Variants in DPYD observed in about 807,000 individuals in gnomAD.
DPYD encodes dihydropyrimidine dehydrogenase.
In DPYD, 109 loss-of-function variants were observed where a neutral mutation model predicts 116.2. The observed-to-expected ratio is 0.94, with a 90% confidence interval of 0.80 to 1.10. The LOEUF (loss-of-function observed/expected upper bound fraction) is 1.10. DPYD is among the 50% of genes least tolerant of loss of function. The pLI, the probability that DPYD is intolerant of heterozygous loss-of-function variation, is 0.00. For synonymous variants in DPYD, 440 were observed against 432.0 expected, an observed-to-expected ratio of 1.02 and a Z score of -0.23; for missense variants, 1,302 against 1,254.5, an observed-to-expected ratio of 1.04 and a Z score of -0.57.
intron 14 of DPYD, among the ~76,000 whole-genome samples, chr1:97,431,858 T>A (rs1675198437): frequency 6.6e-6 from 1 of 152,110 alleles, no homozygotes; most frequent in Non-Finnish European, 1.5e-5. Context: ...ACCCTTCCCC[T>A]TCCCCTCCCA....
chr1:97,642,527 C>T (rs201360296), intron 8 of DPYD, among the ~76,000 whole-genome samples: 1 of 151,936 alleles, frequency 6.6e-6, no homozygotes, highest in Non-Finnish European at 1.5e-5. Context: ...GTTGGGAAAA[C>T]TGGCTAGCCA....
intron 3 of DPYD, among the ~76,000 whole-genome samples, chr1:97,790,987 TATTA>T (rs906748253): frequency 3.3e-5 from 5 of 152,182 alleles, no homozygotes; most frequent in Admixed American, 3.3e-4. Flanking sequence ...ATAGCTTCTT[TATTA>T]ATTTTTACAT....
At chr1:97,344,044 T>C (rs1350954580) in intron 16 of DPYD, among the ~76,000 whole-genome samples, 5 of 151,910 alleles carry the variant, frequency 3.3e-5, no homozygotes, top group Non-Finnish European at 7.4e-5. Flanking sequence ...AATACATAAT[T>C]ATTCAATATT....
At chr1:97,363,442 C>G (rs1448653717) in intron 16 of DPYD, among the ~76,000 whole-genome samples, 2 of 152,068 alleles carry the variant, frequency 1.3e-5, no homozygotes, top group East Asian at 3.9e-4. Context: ...CCCAGTGATC[C>G]CATTACTGGG....
At chr1:97,640,841 G>A (rs879757889) in intron 8 of DPYD, among the ~76,000 whole-genome samples, 5 of 152,200 alleles carry the variant, frequency 3.3e-5, no homozygotes, top group Middle Eastern at 3.4e-3. Flanking sequence ...AAGTCACAGA[G>A]GCCAAAACAG....
intron 6 of DPYD, among the ~76,000 whole-genome samples, chr1:97,698,034 T>C (rs1353351803): frequency 6.6e-6 from 1 of 152,026 alleles, no homozygotes; most frequent in Non-Finnish European, 1.5e-5. Context: ...AAAGCTGTGG[T>C]AAATACCATT....
intron 20 of DPYD, among the ~76,000 whole-genome samples, chr1:97,180,733 A>G (rs1156270838): frequency 6.6e-6 from 1 of 152,186 alleles, no homozygotes; most frequent in Non-Finnish European, 1.5e-5. Context: ...CATTCTGATT[A>G]GTTATATTTG....
At chr1:97,217,827 G>C (rs535192739) in intron 19 of DPYD, among the ~76,000 whole-genome samples, 18 of 152,120 alleles carry the variant, frequency 1.2e-4, no homozygotes, top group Non-Finnish European at 2.4e-4. Flanking sequence ...AATGAAAAGC[G>C]GGGCAACACC....
At chr1:97,301,844 T>G (rs897562162) in intron 18 of DPYD, among the ~76,000 whole-genome samples, 1 of 151,968 alleles carries the variant, frequency 6.6e-6, no homozygotes, top group South Asian at 2.1e-4. Context: ...ACCATTTATA[T>G]AGGTGATAGT....
At chr1:97,616,113 T>C (rs1656251047) in intron 8 of DPYD, among the ~76,000 whole-genome samples, 1 of 151,954 alleles carries the variant, frequency 6.6e-6, no homozygotes, top group African/African-American at 2.4e-5. Flanking sequence ...GTCTATTTTA[T>C]TGGTATTTAC....
intron 18 of DPYD, among the ~76,000 whole-genome samples, chr1:97,297,046 T>C (rs1231174606): frequency 6.6e-6 from 1 of 152,140 alleles, no homozygotes; most frequent in East Asian, 1.9e-4. Context: ...CTAAAATGAG[T>C]GAGGAGTATA....
At chr1:97,203,932 TAA>T (rs1205595798) in intron 19 of DPYD, among the ~76,000 whole-genome samples, 17 of 151,870 alleles carry the variant, frequency 1.1e-4, no homozygotes, top group African/African-American at 4.1e-4. Context: ...AGTTAATCTA[TAA>T]TTGATAAAAA....
At position 97,319,163 on chromosome 1, in the gene DPYD, T is replaced by C. The variant is rs986904242; in HGVS notation, c.2059-12866A>G. ...CAAAATTGACAACCTAACATCACAA[T>C]TAAAAGAACTAGAAAAGCAAGAGCA... On this transcript the variant is annotated intron_variant, in intron 16 of 22. Transcript: ENST00000370192. Among the ~76,000 whole-genome samples the C allele has an allele frequency of 1.2e-3, 166 of 138,796 alleles. 2 individuals are homozygous for C. The highest frequency in any genetic ancestry group is 4.2e-3 in the African/African-American group (152 of 36,284). The allele number at this position is 138,796 out of a possible 152,430, so 91.1% of individuals were successfully genotyped here. A position where few individuals can be genotyped will look rare whatever the true frequency, so the allele number is the denominator to read the frequency against.
chr1:97,504,948 T>G (rs996582926), intron 13 of DPYD, among the ~76,000 whole-genome samples: 4 of 151,802 alleles, frequency 2.6e-5, no homozygotes, highest in African/African-American at 9.7e-5. Context: ...TTGAGTAAAA[T>G]TCTATAAGAG....
intron 18 of DPYD, among the ~76,000 whole-genome samples, chr1:97,285,082 C>T (rs1436822763): frequency 6.6e-6 from 1 of 152,152 alleles, no homozygotes; most frequent in East Asian, 1.9e-4. Flanking sequence ...TTATGGGACT[C>T]TACAAGACTA....
intron 11 of DPYD, among the ~76,000 whole-genome samples, chr1:97,563,967 A>C (rs544253676): frequency 8.5e-5 from 13 of 152,296 alleles, no homozygotes; most frequent in African/African-American, 2.6e-4. Context: ...AAGATGATAA[A>C]TCTTTCAACC....
At chr1:97,619,610 A>G (rs1352595202) in intron 8 of DPYD, among the ~76,000 whole-genome samples, 1 of 152,176 alleles carries the variant, frequency 6.6e-6, no homozygotes, top group Non-Finnish European at 1.5e-5. Flanking sequence ...GTTAACGACC[A>G]TTGCTTCTAT....
chr1:97,108,840 G>A (rs1376129821), intron 20 of DPYD, among the ~76,000 whole-genome samples: 2 of 151,964 alleles, frequency 1.3e-5, no homozygotes, highest in South Asian at 2.1e-4. Context: ...AATATTAGAA[G>A]TGAATATAAA....
chr1:97,846,483 G>A (rs1031437648), intron 2 of DPYD, among the ~76,000 whole-genome samples: 1 of 152,194 alleles, frequency 6.6e-6, no homozygotes, highest in African/African-American at 2.4e-5. Context: ...TGACTCGGGG[G>A]AAGTCTTGTG....
Sources: allele counts gnomAD v4.1 joint callset (sites outside exome capture counted in the v4.1 genomes callset), GRCh38; gene constraint gnomAD v4.1.1; transcripts MANE v1.5; gene names NCBI Gene and HGNC (gene_info 2026-07-23, HGNC 2026-07-21).